Variants in LONRF2 observed in about 807,000 individuals in gnomAD.
LONRF2 encodes the protein LON peptidase N-terminal domain and ring finger 2, also known as LON peptidase N-terminal domain and RING finger protein 2.
LONRF2 carries 35 observed loss-of-function variants against 66.6 expected under a neutral mutation model. That is an observed-to-expected ratio of 0.53 (90% CI 0.40 to 0.70). The LOEUF is 0.70. Among genes scored for constraint, LONRF2 ranks in the 30% least tolerant of loss-of-function variants. The pLI is 0.00. For synonymous variants in LONRF2, 417 were observed against 418.1 expected (o/e 1.00, Z 0.03); for missense variants, 902 against 1,002.1 (o/e 0.90, Z 1.35).
intron 7 of LONRF2, among the ~76,000 whole-genome samples, chr2:100,296,282 A>G (rs1675065357): frequency 6.6e-6 from 1 of 152,224 alleles, no homozygotes; most frequent in African/African-American, 2.4e-5. Context: ...ACTAGCATAT[A>G]GTAGCTCTTT....
rs1214783668 is a variant in LONRF2 at position 100,273,735 on chromosome 2, T to C, written c.*10563A>G. The C allele has an allele frequency of 1.3e-5, 2 of 152,222 alleles. No homozygotes were observed. Among genetic ancestry groups the C allele is most frequent in the African/African-American group, 4.8e-5 (2 of 41,454 alleles). The allele number at this position is 152,222 out of a possible 1,614,324, so 9.4% of individuals were successfully genotyped here. ...TATTAAGTTTATCTACACCAGCTTA[T>C]TTATTCAAATTTGCTCTTCTTATTA... is the stretch of plus-strand genomic sequence containing the variant. On this transcript the variant is annotated 3_prime_UTR_variant, in exon 12 of 12. Transcript: ENST00000393437.
At chr2:100,299,410 G>A (rs1011225587) in intron 5 of LONRF2, 91 bp from the exon 6 acceptor site, 11 of 751,514 alleles carry the variant, frequency 1.5e-5, no homozygotes, top group South Asian at 1.2e-4. Flanking sequence ...GACCAAACGT[G>A]TTGTATCAAT....
intron 8 of LONRF2, among the ~76,000 whole-genome samples, chr2:100,294,995 T>C (rs979650408): frequency 1.3e-5 from 2 of 150,272 alleles, no homozygotes; most frequent in Admixed American, 6.6e-5. Flanking sequence ...TTTTAATATA[T>C]AAATTATTTT....
At chr2:100,289,567 C>G (rs1303631380) in intron 10 of LONRF2, among the ~76,000 whole-genome samples, 2 of 151,232 alleles carry the variant, frequency 1.3e-5, no homozygotes, top group Non-Finnish European at 2.9e-5. Flanking sequence ...TCCCAAGTAG[C>G]TGGGACTACA....
At chr2:100,306,894 CTTTT>C (rs34961905) in intron 2 of LONRF2, among the ~76,000 whole-genome samples, 2 of 136,986 alleles carry the variant, frequency 1.5e-5, no homozygotes, top group Non-Finnish European at 3.1e-5. Context: ...CTTAAACTTA[CTTTT>C]TTTTTTTTTT....
chr2:100,316,391 T>C (rs1041410171), intron 1 of LONRF2, among the ~76,000 whole-genome samples: 8 of 151,240 alleles, frequency 5.3e-5, no homozygotes, highest in African/African-American at 1.9e-4. Context: ...TAATAATTAT[T>C]AGATAATTAG....
intron 3 of LONRF2, among the ~76,000 whole-genome samples, chr2:100,302,650 T>TTG (rs1278950462): frequency 1.7e-4 from 26 of 152,334 alleles, no homozygotes; most frequent in African/African-American, 4.8e-4. Flanking sequence ...TATAATAACC[T>TTG]TGCCTAACAT....
At chr2:100,300,006 T>C (rs1198525245) in intron 4 of LONRF2, 88 bp from the exon 5 acceptor site, 2 of 472,732 alleles carry the variant, frequency 4.2e-6, no homozygotes, top group Non-Finnish European at 6.6e-6. Context: ...ACTAGAAATC[T>C]TTGGAAAAAA....
intron 1 of LONRF2, chr2:100,309,576 T>C (rs1271141946): frequency 6.3e-6 from 1 of 157,696 alleles, no homozygotes; most frequent in Non-Finnish European, 1.4e-5. Context: ...ATCCTCTCAC[T>C]GCTATAACTA....
Position 100,273,868 on chromosome 2 carries a change from T to C in LONRF2, c.*10430A>G, listed in dbSNP as rs548964811. ...TCCACTAGCATGAAAGAACAATATA[T>C]GAATAGAGTACACAGCTTTCCAACC... On this transcript the variant is annotated 3_prime_UTR_variant, in exon 12 of 12. Coordinates refer to ENST00000393437, the MANE Select transcript of LONRF2 (RefSeq NM_198461.4). 2 of 152,268 alleles carry C rather than the reference T, an allele frequency of 1.3e-5. No individual in the cohort carries two copies. Among genetic ancestry groups the C allele is most frequent in the Admixed American group, 1.3e-4 (2 of 15,294 alleles). The allele number at this position is 152,268 out of a possible 1,614,324, so 9.4% of individuals were successfully genotyped here.
In LONRF2 at chr2:100,272,561, A is replaced by G. The variant is rs1674522214; in HGVS notation, c.*11737T>C. 6.6e-6 allele frequency among the ~76,000 whole-genome samples: 1 copy of G among 151,986 alleles called. No individual in the cohort carries two copies. Among genetic ancestry groups the G allele is most frequent in the African/African-American group, 2.4e-5 (1 of 41,262 alleles). ...TAACCAGAGTATGTAGGTTAAAAAA[A>G]AGAAAAAAAAAGATGGGAAAGGTAT... is the stretch of plus-strand genomic sequence containing the variant. On this transcript the variant is annotated 3_prime_UTR_variant, in exon 12 of 12. Transcript: ENST00000393437.
intron 7 of LONRF2, among the ~76,000 whole-genome samples, chr2:100,297,633 C>T (rs759921196): frequency 6.6e-6 from 1 of 152,176 alleles, no homozygotes; most frequent in Non-Finnish European, 1.5e-5. Context: ...GGGTCCGATG[C>T]ATCTACTAGC....
chr2:100,303,903 C>T (rs1003279306), intron 2 of LONRF2, among the ~76,000 whole-genome samples: 1 of 151,734 alleles, frequency 6.6e-6, no homozygotes, highest in Admixed American at 6.6e-5. Context: ...TTTTTCTTGC[C>T]AAACATTTTC....
In LONRF2 at chr2:100,302,991, A is replaced by C. The variant is rs762654333; in HGVS notation, c.851T>G (p.Val284Gly). The C allele has an allele frequency of 5.6e-6, 9 of 1,611,576 alleles. No individual in the cohort carries two copies. The Admixed American group carries it at 1.5e-4, about 27-fold the overall frequency. The stretch of plus-strand genomic sequence containing the variant: ...AAGGCAGTAGAGAAATTCCTTTAAC[A>C]CTTCCTTACTTCTTCCCAATCCAGA... ...ALSGLGRSKE[V>G]LKEFLYCLAL... is the part of the protein sequence containing the mutation. The change falls in exon 3 of 12, where the codon GTG becomes GGG. Residue 284 changes from valine (V) to glycine (G), a missense_variant. Coordinates refer to ENST00000393437, the MANE Select transcript of LONRF2 (RefSeq NM_198461.4).
chr2:100,303,895 T>A lies in LONRF2; in HGVS notation c.799-852A>T, dbSNP rs551371916. ...TTTTACCCATTATTTCTTCTTTTTT[T>A]TTCTTGCCAAACATTTTCTGTCTTC... On this transcript the variant is annotated intron_variant, in intron 2 of 11. Coordinates refer to ENST00000393437, the MANE Select transcript of LONRF2 (RefSeq NM_198461.4). Among the ~76,000 whole-genome samples the A allele has an allele frequency of 1.5e-4, 23 of 152,306 alleles. No individual in the cohort carries two copies. In the South Asian group the frequency reaches 4.8e-3, roughly 32 times the overall value.
intron 4 of LONRF2, 54 bp from the exon 5 acceptor site, chr2:100,299,972 G>A: frequency 2.1e-6 from 2 of 969,312 alleles, no homozygotes; most frequent in East Asian, 4.8e-5. Flanking sequence ...CATAGCATAA[G>A]AGAAAAAGAA....
In LONRF2 at chr2:100,283,073, C is replaced by G. The variant is rs1409522573; in HGVS notation, c.*1225G>C. On this transcript the variant is annotated 3_prime_UTR_variant, in exon 12 of 12. Coordinates refer to ENST00000393437, the MANE Select transcript of LONRF2 (RefSeq NM_198461.4). ...CAGACGAGGAAGCCAACCAAATGCA[C>G]CAGCTGGTTGGGCCAGAGAGAACAT... is the stretch of plus-strand genomic sequence containing the variant. 23 of 152,174 alleles carry G rather than the reference C, an allele frequency of 1.5e-4. No homozygotes were observed. The highest frequency in any genetic ancestry group is 2.9e-5 in the Non-Finnish European group (2 of 68,040). 9.4% of individuals were successfully genotyped at this position (152,174 alleles called of 1,614,324 possible).
chr2:100,289,290 A>G lies in LONRF2; in HGVS notation c.1920+968T>C, dbSNP rs543682430. On this transcript the variant is annotated intron_variant, in intron 10 of 11. Transcript: ENST00000393437. ...ACTGGGTAGCTTCGACAGAGACCAC[A>G]TGGCCTCTGGAGTCTAAAGTACTTA... Among the ~76,000 whole-genome samples the G allele has an allele frequency of 9.7e-4, 147 of 152,328 alleles. 1 individual carries two copies. The highest frequency in any genetic ancestry group is 2.4e-4 in the Non-Finnish European group (16 of 68,032).
intron 2 of LONRF2, among the ~76,000 whole-genome samples, chr2:100,303,810 T>C (rs1425032500): frequency 2.6e-5 from 4 of 152,236 alleles, no homozygotes; most frequent in Admixed American, 2.6e-4. Context: ...TATCATTGCT[T>C]ATAAGTTGAG....
Sources: gnomAD v4.1 joint callset for allele counts (sites outside exome capture counted in the v4.1 genomes callset) on GRCh38, gnomAD v4.1.1 for gene constraint, MANE v1.5 for transcripts, NCBI Gene and HGNC (gene_info 2026-07-23, HGNC 2026-07-21) for gene names.